Variants in CD9 observed in about 807,000 individuals in gnomAD.
CD9 encodes CD9 antigen.
CD9 carries 10 observed loss-of-function variants against 31.4 expected under a neutral mutation model. The ratio of observed to expected loss-of-function variants is 0.32; its 90% CI spans 0.20 to 0.54. The LOEUF (loss-of-function observed/expected upper bound fraction) is 0.54, where lower values mean the gene tolerates loss of function less well. Among genes scored for constraint, CD9 ranks in the 20% least tolerant of loss-of-function variants. The pLI is 0.94. For missense variants in CD9, 259 were observed against 300.1 expected, an observed-to-expected ratio of 0.86 and a Z score of 1.01; for synonymous variants, 113 against 114.1, an observed-to-expected ratio of 0.99 and a Z score of 0.06.
upstream of CD9, chr12:6,200,229 C>T (rs1466555286): frequency 3.1e-5 from 2 of 64,962 alleles, no homozygotes; most frequent in East Asian, 4.0e-4. Flanking sequence ...GGCTCGCCGA[C>T]CTGGGCGGGG....
intron 7 of CD9, among the ~76,000 whole-genome samples, 199 bp from the exon 8 acceptor site, chr12:6,237,564 C>G (rs1001466786): frequency 1.3e-5 from 2 of 152,334 alleles, no homozygotes; most frequent in African/African-American, 4.8e-5. Context: ...GCCAACCCCC[C>G]CAGATTCCTC....
rs375025117 is a variant in CD9, at chr12:6,227,205, A to ATT, written c.175+1680_175+1681dup. On this transcript the variant is annotated intron_variant, in intron 2 of 7. Coordinates refer to ENST00000009180, the MANE Select transcript of CD9 (RefSeq NM_001769.4). ...AACATTTTTATTTTTTATTTTTTTT[A>ATT]TTTTTTTTTTGAGACGAAGTTTCAA... 2.3e-3 allele frequency among the ~76,000 whole-genome samples: 347 copies of ATT among 148,582 alleles called. 6 individuals are homozygous for ATT. Among genetic ancestry groups the ATT allele is most frequent in the African/African-American group, 8.0e-3 (325 of 40,374 alleles).
At chr12:6,234,383 A>C (rs992075245) in intron 4 of CD9, 2 of 152,152 alleles carry the variant, frequency 1.3e-5, no homozygotes, top group African/African-American at 4.8e-5. Context: ...AACAGGGAAG[A>C]GTAGAACAAG....
At chr12:6,210,871 T>G (rs999606813) in intron 1 of CD9, among the ~76,000 whole-genome samples, 3 of 148,606 alleles carry the variant, frequency 2.0e-5, no homozygotes, top group Non-Finnish European at 3.0e-5. Flanking sequence ...GGAGTCTCGC[T>G]CTGTTGCCAG....
At chr12:6,226,616 C>T (rs965736708) in intron 2 of CD9, among the ~76,000 whole-genome samples, 7 of 152,212 alleles carry the variant, frequency 4.6e-5, no homozygotes, top group South Asian at 2.1e-4. Context: ...CCTTTGGTTG[C>T]GTAACATTTG....
intron 2 of CD9, among the ~76,000 whole-genome samples, chr12:6,227,800 G>C (rs965645018): frequency 6.6e-6 from 1 of 152,234 alleles, no homozygotes; most frequent in Admixed American, 6.5e-5. Flanking sequence ...CCATTGGCAG[G>C]GATGGGGTGG....
intron 1 of CD9, among the ~76,000 whole-genome samples, chr12:6,202,585 G>C (rs778839402): frequency 6.6e-6 from 1 of 152,218 alleles, no homozygotes; most frequent in Non-Finnish European, 1.5e-5. Flanking sequence ...GCATATGCAG[G>C]AAGCTGATGC....
intron 1 of CD9, among the ~76,000 whole-genome samples, chr12:6,212,815 C>T (rs575866668): frequency 1.3e-5 from 2 of 152,262 alleles, no homozygotes; most frequent in South Asian, 4.1e-4. Flanking sequence ...AGGGACCCAG[C>T]TTGTCATGGA....
At chr12:6,200,715 T>G in intron 1 of CD9, 150 bp downstream of exon 1, 1 of 541,626 alleles carries the variant, frequency 1.8e-6, no homozygotes, top group Non-Finnish European at 3.3e-6. Context: ...GGCTGCCAGC[T>G]GGCTCCAAGG....
intron 3 of CD9, chr12:6,233,099 T>C: frequency 1.4e-6 from 1 of 700,998 alleles, no homozygotes; most frequent in Admixed American, 2.0e-5. Context: ...CCCAAATCTC[T>C]TGTCTTTTGT....
At chr12:6,227,505 A>G (rs1946384690) in intron 2 of CD9, among the ~76,000 whole-genome samples, 1 of 152,180 alleles carries the variant, frequency 6.6e-6, no homozygotes. Flanking sequence ...GCTGGAAGAC[A>G]CTAACATTTT....
chr12:6,236,323 T>C, intron 7 of CD9, 48 bp downstream of exon 7: 1 of 1,534,008 alleles, frequency 6.5e-7, no homozygotes, highest in Non-Finnish European at 9.0e-7. Flanking sequence ...GAGTTCACAT[T>C]GATTCAGCCC....
intron 2 of CD9, among the ~76,000 whole-genome samples, chr12:6,227,286 C>G (rs1410372980): frequency 2.0e-5 from 3 of 152,022 alleles, no homozygotes; most frequent in Non-Finnish European, 4.4e-5. Flanking sequence ...GCAACCTCTG[C>G]CTCCCAGGTT....
chr12:6,200,839 C>T, intron 1 of CD9: 2 of 390,718 alleles, frequency 5.1e-6, no homozygotes, highest in Non-Finnish European at 9.1e-6. Flanking sequence ...GCGGGAGGGT[C>T]CTGAGCACTT....
intron 7 of CD9, among the ~76,000 whole-genome samples, chr12:6,236,906 C>T (rs11568272): frequency 0.019 from 2,800 of 151,270 alleles, 91 homozygotes; most frequent in African/African-American, 0.065. Flanking sequence ...TGGTTATTTG[C>T]ACCCTTCACC....
rs150861096 is a variant in CD9 at position 6,232,744 on chromosome 12, G to A, written c.273+15G>A. On this transcript the variant is annotated intron_variant, in intron 3 of 7. Coordinates refer to ENST00000009180, the MANE Select transcript of CD9 (RefSeq NM_001769.4). This position sits in a 1 kb window ranked among gnomAD's most constrained non-coding sequence, Gnocchi z 4.8. ...TGCTGGGACTGGTGAGTATCCCCTCGGCATCCCCACAGCCACCCTGACTCC... is the reference window on the plus strand; with the variant it reads ...TGCTGGGACTGGTGAGTATCCCCTCAGCATCCCCACAGCCACCCTGACTCC... 6.1e-4 allele frequency: 928 copies of A among 1,513,810 alleles called. 3 individuals are homozygous for A. The highest frequency in any genetic ancestry group is 3.4e-3 in the Middle Eastern group (19 of 5,554). The allele number at this position is 1,513,810 out of a possible 1,614,324, so 93.8% of individuals were successfully genotyped here.
intron 1 of CD9, among the ~76,000 whole-genome samples, chr12:6,203,893 GA>G (rs1946101243): frequency 6.6e-6 from 1 of 152,136 alleles, no homozygotes; most frequent in Non-Finnish European, 1.5e-5. Context: ...TGGCTATACT[GA>G]CAGAGCCCAA....
chr12:6,214,664 T>A (rs1370559213), intron 1 of CD9, among the ~76,000 whole-genome samples: 3 of 152,124 alleles, frequency 2.0e-5, no homozygotes, highest in African/African-American at 4.8e-5. Context: ...TGTATTCTTT[T>A]AAAAAATTGT....
intron 1 of CD9, among the ~76,000 whole-genome samples, chr12:6,224,442 A>G (rs73044559): frequency 0.013 from 2,036 of 152,086 alleles, 25 homozygotes; most frequent in Middle Eastern, 0.038. Context: ...TGTCCACCCA[A>G]CATGCCCACA....
Sources: allele counts gnomAD v4.1 joint callset (sites outside exome capture counted in the v4.1 genomes callset), GRCh38; gene constraint gnomAD v4.1.1; non-coding constraint Gnocchi (gnomAD v3.1); transcripts MANE v1.5; gene names NCBI Gene and HGNC (gene_info 2026-07-23, HGNC 2026-07-21).